Variants in MIX23 observed in about 807,000 individuals in gnomAD.
The protein encoded by MIX23 is protein MIX23.
In MIX23, 13 loss-of-function variants were observed where a neutral mutation model predicts 21.6. That is an observed-to-expected ratio of 0.60 (90% CI 0.39 to 0.96). MIX23 has a LOEUF of 0.96. MIX23 is among the 40% of genes least tolerant of loss of function. The pLI is 0.00. For missense variants in MIX23, 144 were observed against 171.2 expected, an observed-to-expected ratio of 0.84 and a Z score of 0.89; for synonymous variants, 59 against 58.0, an observed-to-expected ratio of 1.02 and a Z score of -0.08.
intron 1 of MIX23, among the ~76,000 whole-genome samples, chr3:122,378,499 G>A (rs903629844): frequency 6.6e-5 from 10 of 152,304 alleles, no homozygotes; most frequent in African/African-American, 2.2e-4. Context: ...ACATCATAGA[G>A]TGTACTTACA....
chr3:122,370,022 T>C (rs2075428671), intron 2 of MIX23, among the ~76,000 whole-genome samples: 1 of 152,174 alleles, frequency 6.6e-6, no homozygotes, highest in South Asian at 2.1e-4. Context: ...AGTGTTGGGA[T>C]TACAGGTGTG....
chr3:122,367,888 C>A (rs2075408707), intron 3 of MIX23: 1 of 383,520 alleles, frequency 2.6e-6, no homozygotes, highest in South Asian at 2.3e-5. Context: ...TGTAGTGATC[C>A]CTTGTCTTTA....
intron 3 of MIX23, among the ~76,000 whole-genome samples, chr3:122,366,049 G>C (rs1197369637): frequency 6.6e-6 from 1 of 151,904 alleles, no homozygotes; most frequent in Non-Finnish European, 1.5e-5. Flanking sequence ...GTGGTGGCAG[G>C]CACCTGTAAC....
chr3:122,366,832 T>C (rs1221112477), intron 3 of MIX23: 2 of 152,068 alleles, frequency 1.3e-5, no homozygotes, highest in African/African-American at 2.4e-5. Flanking sequence ...TCCCAGCTAC[T>C]GGGGAGGCTG....
chr3:122,364,498 A>T (rs945512182), intron 3 of MIX23, among the ~76,000 whole-genome samples: 3 of 152,252 alleles, frequency 2.0e-5, no homozygotes, highest in African/African-American at 7.2e-5. Flanking sequence ...ATTTAAAGGG[A>T]TACTATGTAG....
At position 122,368,184 on chromosome 3, in the gene MIX23, G is replaced by T; in HGVS notation, c.316C>A (p.Gln106Lys). Residue 106 changes from glutamine to lysine, a missense_variant, in exon 3 of 5, where the codon CAG (glutamine) becomes AAG (lysine). Physicochemically the swap from Gln to Lys is moderately conservative, Grantham distance 53 (BLOSUM62 1). Coordinates refer to ENST00000291458, the MANE Select transcript of MIX23 (RefSeq NM_001017928.4). Reference protein sequence around the residue: ...LTLLKQLRKEQTKLKWMQSEL... With the variant: ...LTLLKQLRKEKTKLKWMQSEL... ...AATTCTGTTCAACTTACCTTTGTCT[G>T]CTCTTTTCTAAGTTGTTTTAATAAC... The T allele has an allele frequency of 6.2e-7, 1 of 1,609,712 alleles. No individual in the cohort carries two copies. Among genetic ancestry groups the T allele is most frequent in the South Asian group, 1.1e-5 (1 of 90,918 alleles).
At position 122,359,830 on chromosome 3, in the gene MIX23, T is replaced by TAAAAAAAAAA. The variant is rs527562300; in HGVS notation, c.*29_*38dup. 164 of 1,007,728 alleles carry TAAAAAAAAAA rather than the reference T, an allele frequency of 1.6e-4. 2 individuals are homozygous for TAAAAAAAAAA. The highest frequency in any genetic ancestry group is 5.5e-4 in the African/African-American group (17 of 30,802). The allele number at this position is 1,007,728 out of a possible 1,614,324, so 62.4% of individuals were successfully genotyped here. ...AGCTCTTATGAGATGACCCAGTCCTTAAAAAAAAAAAAAAAAAAAAAAAAA... is the reference window on the plus strand; with the variant it reads ...AGCTCTTATGAGATGACCCAGTCCTTAAAAAAAAAAAAAAAAAAAAAAAAAAAAAAAAAAA... On this transcript the variant is annotated 3_prime_UTR_variant, in exon 5 of 5. Coordinates refer to ENST00000291458, the MANE Select transcript of MIX23 (RefSeq NM_001017928.4).
intron 1 of MIX23, among the ~76,000 whole-genome samples, chr3:122,375,397 T>C (rs1422592296): frequency 6.6e-6 from 1 of 152,214 alleles, no homozygotes; most frequent in Non-Finnish European, 1.5e-5. Context: ...TCAGGCTATC[T>C]GGTGATTACT....
intron 2 of MIX23, among the ~76,000 whole-genome samples, chr3:122,369,447 A>ATC (rs1319557998): frequency 1.1e-4 from 17 of 152,230 alleles, no homozygotes; most frequent in Non-Finnish European, 1.5e-5. Flanking sequence ...GATATTTCAT[A>ATC]GAGTTCTGCT....
chr3:122,375,360 T>C (rs982056750), intron 1 of MIX23, among the ~76,000 whole-genome samples: 1 of 152,040 alleles, frequency 6.6e-6, no homozygotes, highest in Admixed American at 6.6e-5. Context: ...TTGGAAAGAG[T>C]AGGAACATCA....
chr3:122,381,114 C>T (rs1014021933), intron 1 of MIX23, among the ~76,000 whole-genome samples: 1 of 152,106 alleles, frequency 6.6e-6, no homozygotes, highest in Non-Finnish European at 1.5e-5. Context: ...CCTAGAATAC[C>T]CCTAGTCCCT....
At chr3:122,382,575 T>G (rs930599307) in intron 1 of MIX23, among the ~76,000 whole-genome samples, 4 of 152,204 alleles carry the variant, frequency 2.6e-5, no homozygotes, top group African/African-American at 9.7e-5. Flanking sequence ...CAAAACCAGA[T>G]CCCTATTCTT....
intron 4 of MIX23, among the ~76,000 whole-genome samples, chr3:122,360,410 A>C (rs2075349058): frequency 6.6e-6 from 1 of 152,224 alleles, no homozygotes; most frequent in Admixed American, 6.5e-5. Context: ...AAGGGAAAAA[A>C]AAGTGTGAAT....
chr3:122,362,855 G>T, intron 4 of MIX23, 113 bp downstream of exon 4: 2 of 618,436 alleles, frequency 3.2e-6, no homozygotes, highest in Non-Finnish European at 2.8e-6. Flanking sequence ...GTAAACGAGT[G>T]ATCTCTACTT....
At chr3:122,362,383 A>G (rs1305811491) in intron 4 of MIX23, among the ~76,000 whole-genome samples, 1 of 152,172 alleles carries the variant, frequency 6.6e-6, no homozygotes, top group African/African-American at 2.4e-5. Flanking sequence ...CATGCCTGTA[A>G]TTAGTGTTAG....
chr3:122,374,858 A>G (rs1393372579), intron 1 of MIX23, among the ~76,000 whole-genome samples: 3 of 152,252 alleles, frequency 2.0e-5, no homozygotes, highest in Non-Finnish European at 2.9e-5. Flanking sequence ...AGGTGATGAG[A>G]TGAAGAGTGA....
chr3:122,379,863 T>C (rs965067091), intron 1 of MIX23, among the ~76,000 whole-genome samples: 4 of 152,224 alleles, frequency 2.6e-5, no homozygotes, highest in Non-Finnish European at 4.4e-5. Flanking sequence ...AGATCTGATA[T>C]ATCATGAACC....
chr3:122,375,494 A>G (rs1026168402), intron 1 of MIX23, among the ~76,000 whole-genome samples: 3 of 152,188 alleles, frequency 2.0e-5, no homozygotes, highest in Admixed American at 6.5e-5. Flanking sequence ...GAAAAAAATG[A>G]TATGGTATTT....
chr3:122,365,790 G>T (rs2075392385), intron 3 of MIX23, among the ~76,000 whole-genome samples: 1 of 152,154 alleles, frequency 6.6e-6, no homozygotes, highest in Non-Finnish European at 1.5e-5. Flanking sequence ...CAATTTAACA[G>T]CCTTTGCCCT....
Sources: gnomAD v4.1 joint callset for allele counts (sites outside exome capture counted in the v4.1 genomes callset) on GRCh38, gnomAD v4.1.1 for gene constraint, MANE v1.5 for transcripts, NCBI Gene and HGNC (gene_info 2026-07-23, HGNC 2026-07-21) for gene names.